The following MLN variants were observed in gnomAD, a reference collection of about 807,000 sequenced individuals.
The protein encoded by MLN is motilin.
Under a neutral mutation model 13.3 loss-of-function variants are expected in MLN, and 14 were observed. The observed-to-expected ratio is 1.05, with a 90% CI of 0.69 to 1.64. The LOEUF (loss-of-function observed/expected upper bound fraction) is 1.64, where lower values mean the gene tolerates loss of function less well. Ranked by LOEUF, MLN falls within the 40% of genes most tolerant of loss-of-function variation. The pLI is 0.00. For synonymous variants in MLN, 59 were observed against 54.7 expected (o/e 1.08, Z -0.34); for missense variants, 122 against 142.9 (o/e 0.85, Z 0.75).
intron 3 of MLN, among the ~76,000 whole-genome samples, chr6:33,795,959 C>CTTTTTT (rs5875463): frequency 8.2e-6 from 1 of 121,780 alleles, no homozygotes; most frequent in African/African-American, 3.1e-5. Flanking sequence ...TTATTCTAAG[C>CTTTTTT]TTTTTTTTTT....
Position 33,797,064 on chromosome 6 carries a change from G to C in MLN, c.235-1459C>G, listed in dbSNP as rs372489325. Among the ~76,000 whole-genome samples the C allele has an allele frequency of 4.5e-4, 68 of 152,334 alleles. 1 individual carries two copies. Among genetic ancestry groups the C allele is most frequent in the Middle Eastern group, 3.4e-3 (1 of 294 alleles). On this transcript the variant is annotated intron_variant, in intron 3 of 4. Transcript: ENST00000430124. The stretch of plus-strand genomic sequence containing the variant: ...GGAAAGGGGCCCCACCTCGCTGAGT[G>C]CAGAGTGCGGCAACAGCACCCAGGT...
chr6:33,795,625 TAAC>T lies in MLN; in HGVS notation c.235-23_235-21del, dbSNP rs1767897506. On this transcript the variant is annotated intron_variant, in intron 3 of 4. Coordinates refer to ENST00000430124, the MANE Select transcript of MLN (RefSeq NM_002418.3). ...AGTCAGCTGTGAAATAAGGCAGCGT[TAAC>T]AACGAGGGAGAGGTGGAGAGGGCCC... The T allele has an allele frequency of 6.5e-7, 1 of 1,549,140 alleles. No individual in the cohort carries two copies. Among genetic ancestry groups the T allele is most frequent in the Non-Finnish European group, 8.7e-7 (1 of 1,144,350 alleles).
intron 2 of MLN, 68 bp downstream of exon 2, chr6:33,800,979 T>C: frequency 8.1e-7 from 1 of 1,235,472 alleles, no homozygotes; most frequent in East Asian, 2.3e-5. Context: ...ACACTTTCCT[T>C]GGTATCACCG....
chr6:33,801,154 G>A lies in MLN; in HGVS notation c.10C>T (p.Arg4Cys), dbSNP rs140882390. 1,360 of 1,613,364 alleles carry A rather than the reference G, an allele frequency of 8.4e-4. 15 individuals carry two copies. Among genetic ancestry groups the A allele is most frequent in the South Asian group, 7.3e-3 (666 of 91,030 alleles). Residue 4 changes from arginine (R) to cysteine (C), a missense_variant, in exon 2 of 5, where the codon CGT (arginine) becomes TGT (cysteine). Transcript: ENST00000430124. MVS[R>C]KAVAALLVVH... ...ACCAGCAGAGCAGCCACAGCCTTAC[G>A]GGATACCATCTTGGAGCTGGACAAT...
chr6:33,802,256 G>A (rs1038042964), intron 1 of MLN, among the ~76,000 whole-genome samples: 3 of 152,158 alleles, frequency 2.0e-5, no homozygotes, highest in African/African-American at 7.2e-5. Flanking sequence ...CTGTTCCTGC[G>A]CTGGGTGGAC....
intron 3 of MLN, among the ~76,000 whole-genome samples, chr6:33,796,421 C>G (rs1302185255): frequency 2.0e-5 from 3 of 152,228 alleles, no homozygotes; most frequent in African/African-American, 7.2e-5. Context: ...TGGAGACTCT[C>G]CACCAAAGAG....
At chr6:33,798,968 G>A in intron 3 of MLN, 137 bp downstream of exon 3, 1 of 570,628 alleles carries the variant, frequency 1.8e-6, no homozygotes, top group Non-Finnish European at 3.2e-6. Flanking sequence ...GGAGCTCATT[G>A]CCTGGATGTC....
chr6:33,799,161 C>A lies in MLN; in HGVS notation c.178G>T (p.Glu60Ter). The change falls in exon 3 of 5, where the codon GAA (glutamate) becomes TAA (stop). Residue 60 changes from glutamate to a stop codon, truncating the protein, a stop_gained. Coordinates refer to ENST00000430124, the MANE Select transcript of MLN (RefSeq NM_002418.3). LOFTEE classifies it high-confidence loss of function. The surrounding 1 kb of genome is among the most constrained non-coding windows in gnomAD (Gnocchi z 4.6). ...GGCTCCGCAGGGTCTACAGGACCTT[C>A]CTCCCCAGACCTCTGCCATACACTC... ...SLSVWQRSGE[E>*]GPVDPAEPIR... 1 of 1,613,076 alleles carries A rather than the reference C, an allele frequency of 6.2e-7. No individual in the cohort carries two copies. Among genetic ancestry groups the A allele is most frequent in the South Asian group, 1.1e-5 (1 of 90,922 alleles).
At chr6:33,801,861 C>T (rs1760837245) in intron 1 of MLN, among the ~76,000 whole-genome samples, 1 of 152,238 alleles carries the variant, frequency 6.6e-6, no homozygotes, top group Admixed American at 6.5e-5. Flanking sequence ...AGCAGGCTTC[C>T]TCTTTCCTCA....
In MLN at chr6:33,803,794, G is replaced by A. The variant is rs74741276; in HGVS notation, c.-8+159C>T. 6.6e-6 allele frequency among the ~76,000 whole-genome samples: 1 copy of A among 152,350 alleles called. No homozygotes were observed. Among genetic ancestry groups the A allele is most frequent in the African/African-American group, 2.4e-5 (1 of 41,576 alleles). ...TGCCTCAGCCCTGCCTCTGCTCACT[G>A]ATGCCCTGGGAATCAGCGCGGGCAC... On this transcript the variant is annotated intron_variant, in intron 1 of 4. Coordinates refer to ENST00000430124, the MANE Select transcript of MLN (RefSeq NM_002418.3). The surrounding 1 kb of genome is among the most constrained non-coding windows in gnomAD (Gnocchi z 4.5).
intron 3 of MLN, among the ~76,000 whole-genome samples, chr6:33,798,509 C>T (rs953458111): frequency 3.3e-5 from 5 of 152,334 alleles, no homozygotes; most frequent in African/African-American, 9.6e-5. Flanking sequence ...TTGGCACCCT[C>T]GCCACCTCTT....
chr6:33,798,889 A>G (rs1767983471), intron 3 of MLN, among the ~76,000 whole-genome samples: 1 of 150,802 alleles, frequency 6.6e-6, no homozygotes, highest in African/African-American at 2.4e-5. Flanking sequence ...TCACTCTCCT[A>G]CTTCCTTATC....
rs150413005 is a variant in MLN at position 33,799,117 on chromosome 6, G to A, written c.222C>T (p.Asn74=). ...GTTGTCTGCTCACCTTGATCATTTC[G>A]TTTTCTTCTTCCCTGATGGGCTCCG... The part of the protein sequence containing the change: ...DPAEPIREEE[N]EMIKLTAPLE... The change falls in exon 3 of 5, where the codon AAC becomes AAT. Residue 74 remains asparagine, a synonymous_variant. Coordinates refer to ENST00000430124, the MANE Select transcript of MLN (RefSeq NM_002418.3). The surrounding 1 kb of genome is among the most constrained non-coding windows in gnomAD (Gnocchi z 4.6). 8.1e-6 allele frequency: 13 copies of A among 1,605,310 alleles called. No homozygotes were observed. The highest frequency in any genetic ancestry group is 4.5e-5 in the East Asian group (2 of 44,650).
Position 33,799,186 on chromosome 6 carries a change from C to G in MLN, c.153G>C (p.Leu51=), listed in dbSNP as rs79561907. 1.2e-6 allele frequency: 2 copies of G among 1,613,170 alleles called. No individual in the cohort carries two copies. The highest frequency in any genetic ancestry group is 2.7e-5 in the African/African-American group (2 of 75,040). Residue 51 remains leucine, a synonymous_variant, in exon 3 of 5, where the codon CTG becomes CTC. Coordinates refer to ENST00000430124, the MANE Select transcript of MLN (RefSeq NM_002418.3). This position sits in a 1 kb window ranked among gnomAD's most constrained non-coding sequence, Gnocchi z 4.6. ...CCTCCCCAGACCTCTGCCATACACTCAGGGATTTCTTTTGCCCTTTATTCC... is the reference window on the plus strand; with the variant it reads ...CCTCCCCAGACCTCTGCCATACACTGAGGGATTTCTTTTGCCCTTTATTCC... ...KERNKGQKKS[L]SVWQRSGEEG...
intron 4 of MLN, 34 bp downstream of exon 4, chr6:33,795,469 G>T: frequency 6.5e-7 from 1 of 1,529,544 alleles, no homozygotes; most frequent in Non-Finnish European, 8.9e-7. Context: ...GGCGGAGGCC[G>T]GCCAAGCCAC....
chr6:33,794,824 A>G lies in MLN; in HGVS notation c.*1T>C. ...TGTCCACCTTCTCCCCAGCGTGGCCATCACTTGGCTGCTGGAGAAAAGCAG... is the reference window on the plus strand; with the variant it reads ...TGTCCACCTTCTCCCCAGCGTGGCCGTCACTTGGCTGCTGGAGAAAAGCAG... On this transcript the variant is annotated 3_prime_UTR_variant, in exon 5 of 5. Transcript: ENST00000430124. The G allele has an allele frequency of 6.2e-7, 1 of 1,613,666 alleles. No homozygotes were observed. Among genetic ancestry groups the G allele is most frequent in the Non-Finnish European group, 8.5e-7 (1 of 1,179,790 alleles).
At position 33,800,004 on chromosome 6, in the gene MLN, A is replaced by C. The variant is rs192560848; in HGVS notation, c.118-783T>G. On this transcript the variant is annotated intron_variant, in intron 2 of 4. Coordinates refer to ENST00000430124, the MANE Select transcript of MLN (RefSeq NM_002418.3). Reference sequence around the variant, plus strand: ...GTGGGGAGTGTGCTGGCGTGGAGGAAAGTGTGTTGGGGCCTGCTGCAGTAC... The same window carrying C: ...GTGGGGAGTGTGCTGGCGTGGAGGACAGTGTGTTGGGGCCTGCTGCAGTAC... Among the ~76,000 whole-genome samples the C allele has an allele frequency of 2.0e-3, 297 of 152,202 alleles. 1 individual carries two copies. Among genetic ancestry groups the C allele is most frequent in the African/African-American group, 6.7e-3 (280 of 41,514 alleles).
chr6:33,801,223 T>A, intron 1 of MLN, 53 bp from the exon 2 acceptor site: 1 of 1,373,510 alleles, frequency 7.3e-7, no homozygotes, highest in Non-Finnish European at 1.0e-6. Flanking sequence ...AGTGGCAGAC[T>A]GCTGTGTCCG....
At chr6:33,798,382 G>A (rs951112818) in intron 3 of MLN, among the ~76,000 whole-genome samples, 1 of 152,236 alleles carries the variant, frequency 6.6e-6, no homozygotes, top group African/African-American at 2.4e-5. Flanking sequence ...AAATAAACGA[G>A]TCTGTGAAAT....
Sources: gnomAD v4.1 joint callset for allele counts (sites outside exome capture counted in the v4.1 genomes callset) on GRCh38, gnomAD v4.1.1 for gene constraint, Gnocchi (gnomAD v3.1) non-coding constraint, MANE v1.5 for transcripts, NCBI Gene and HGNC (gene_info 2026-07-23, HGNC 2026-07-21) for gene names.